Variants in MYZAP observed in about 807,000 individuals in gnomAD.
MYZAP encodes GRINL1A complex locus upstream.
Under a neutral mutation model 69.4 loss-of-function variants are expected in MYZAP, and 66 were observed. The observed-to-expected ratio is 0.95, with a 90% CI of 0.78 to 1.17. The LOEUF (loss-of-function observed/expected upper bound fraction) is 1.17, where lower values mean the gene tolerates loss of function less well. Among genes scored for constraint, MYZAP ranks in the 50% most tolerant of loss-of-function variants. The pLI is 0.00. For missense variants in MYZAP, 611 were observed against 556.2 expected, an observed-to-expected ratio of 1.10 and a Z score of -0.99; for synonymous variants, 256 against 205.9, an observed-to-expected ratio of 1.24 and a Z score of -2.09.
intron 4 of MYZAP, among the ~76,000 whole-genome samples, chr15:57,621,923 A>G (rs2035844141): frequency 6.6e-6 from 1 of 152,214 alleles, no homozygotes; most frequent in Non-Finnish European, 1.5e-5. Context: ...ATTCTCACCA[A>G]AGTCAGGAGC....
At chr15:57,615,440 C>T (rs554089064) in intron 2 of MYZAP, among the ~76,000 whole-genome samples, 10 of 152,318 alleles carry the variant, frequency 6.6e-5, no homozygotes, top group Admixed American at 3.3e-4. Context: ...TTTCCCTGCT[C>T]CGTGGCGGCT....
chr15:57,602,019 C>G (rs1438913401), intron 1 of MYZAP, among the ~76,000 whole-genome samples: 1 of 152,056 alleles, frequency 6.6e-6, no homozygotes, highest in Non-Finnish European at 1.5e-5. Flanking sequence ...AGGTTGGTGC[C>G]ACCTGTCAGG....
At chr15:57,614,448 A>C (rs1454020602) in intron 2 of MYZAP, among the ~76,000 whole-genome samples, 1 of 152,150 alleles carries the variant, frequency 6.6e-6, no homozygotes, top group Admixed American at 6.5e-5. Context: ...AACCGAGAAG[A>C]CCTCAGGGGT....
chr15:57,620,640 C>A (rs1403395504), intron 3 of MYZAP, among the ~76,000 whole-genome samples: 4 of 152,206 alleles, frequency 2.6e-5, no homozygotes, highest in African/African-American at 9.7e-5. Context: ...ATATTTACTG[C>A]CTTGCGTGTT....
chr15:57,600,938 C>T (rs2034370889), intron 1 of MYZAP, among the ~76,000 whole-genome samples: 2 of 152,012 alleles, frequency 1.3e-5, no homozygotes, highest in South Asian at 4.2e-4. Context: ...ATTAGCCAGG[C>T]ATGGTGATGC....
At chr15:57,661,359 T>C (rs1327796702) in intron 10 of MYZAP, 91 bp from the exon 11 acceptor site, 16 of 964,992 alleles carry the variant, frequency 1.7e-5, no homozygotes, top group Non-Finnish European at 1.7e-5. Flanking sequence ...TAAAAATAAA[T>C]GAAAACCAAG....
At chr15:57,633,085 C>T (rs561330217) in intron 7 of MYZAP, among the ~76,000 whole-genome samples, 76 of 152,194 alleles carry the variant, frequency 5.0e-4, no homozygotes, top group Non-Finnish European at 9.3e-4. Flanking sequence ...CTGTGCGTCT[C>T]ACATCTTGGC....
At chr15:57,640,918 C>T (rs927516077) in intron 10 of MYZAP, among the ~76,000 whole-genome samples, 26 of 152,200 alleles carry the variant, frequency 1.7e-4, no homozygotes, top group Non-Finnish European at 2.8e-4. Context: ...CCTGCCCTAT[C>T]GTCAACACTA....
At chr15:57,660,971 C>T (rs1047421268) in intron 10 of MYZAP, among the ~76,000 whole-genome samples, 3 of 152,168 alleles carry the variant, frequency 2.0e-5, no homozygotes, top group Non-Finnish European at 4.4e-5. Flanking sequence ...ACTTTTGACA[C>T]TTGGTTGAAC....
chr15:57,640,291 A>G (rs554058235), intron 10 of MYZAP, among the ~76,000 whole-genome samples: 1 of 152,332 alleles, frequency 6.6e-6, no homozygotes, highest in South Asian at 2.1e-4. Context: ...TGTAAAGCTA[A>G]TCACATATTA....
intron 1 of MYZAP, chr15:57,599,352 ATTT>A (rs58670224): frequency 1.6e-3 from 808 of 498,496 alleles, no homozygotes; most frequent in South Asian, 2.4e-3. Flanking sequence ...GGAGGCCAGC[ATTT>A]TTTTTTTTTT....
At position 57,618,140 on chromosome 15, in the gene MYZAP, T is replaced by TG; in HGVS notation, c.273dup (p.Trp92ValfsTer32). 2.5e-6 allele frequency: 4 copies of TG among 1,614,192 alleles called. No homozygotes were observed. The highest frequency in any genetic ancestry group is 3.4e-6 in the Non-Finnish European group (4 of 1,180,030). ...ATCAGCAGAAAGAAATGGTGGTGTA[T>TG]GGGTGGTCCACCAGTCAGCTGAAAG... On this transcript the variant is annotated frameshift_variant, in exon 3 of 13. Transcript: ENST00000267853. LOFTEE classifies it high-confidence loss of function.
In MYZAP at chr15:57,684,599, T is replaced by C; in HGVS notation, c.*101T>C. On this transcript the variant is annotated 3_prime_UTR_variant, in exon 13 of 13. Transcript: ENST00000267853. ...TGACTGTTGTTTCCCCTACACACAG[T>C]GTAAGCCGGAATGGGAATCGCTGAG... The C allele has an allele frequency of 1.3e-6, 1 of 741,782 alleles. No homozygotes were observed. The highest frequency in any genetic ancestry group is 2.3e-6 in the Non-Finnish European group (1 of 439,328). The allele number at this position is 741,782 out of a possible 1,614,324, so 46.0% of individuals were successfully genotyped here. A position where few individuals can be genotyped will look rare whatever the true frequency, so the allele number is the denominator to read the frequency against.
intron 12 of MYZAP, among the ~76,000 whole-genome samples, chr15:57,681,655 C>T (rs186069687): frequency 1.3e-4 from 20 of 152,086 alleles, no homozygotes; most frequent in Non-Finnish European, 2.4e-4. Flanking sequence ...GGTCATGGCA[C>T]GCGCCTGTAA....
Position 57,661,459 on chromosome 15 carries a change from T to C in MYZAP, c.1129T>C (p.Leu377=). 6.2e-7 allele frequency: 1 copy of C among 1,607,476 alleles called. No homozygotes were observed. Among genetic ancestry groups the C allele is most frequent in the South Asian group, 1.1e-5 (1 of 89,700 alleles). ...ATCCCTTTCTTTCTAGATTGAATCA[T>C]TAAAGAAAAAGTTGCAACAGAAACA... ...VKQMVEEIES[L]KKKLQQKQLL... Residue 377 remains leucine (L), a synonymous_variant, in exon 11 of 13, where the codon TTA becomes CTA. Transcript: ENST00000267853.
chr15:57,646,827 C>T (rs1483636513), intron 10 of MYZAP: 23 of 985,264 alleles, frequency 2.3e-5, no homozygotes, highest in African/African-American at 1.6e-4. Flanking sequence ...ACCAACTTCA[C>T]GAAAAGGAGT....
intron 10 of MYZAP, among the ~76,000 whole-genome samples, chr15:57,657,654 C>G (rs888706365): frequency 6.6e-6 from 1 of 152,074 alleles, no homozygotes; most frequent in Non-Finnish European, 1.5e-5. Context: ...CATTAATAGT[C>G]CATATTAATG....
intron 12 of MYZAP, among the ~76,000 whole-genome samples, chr15:57,679,157 C>A (rs2039296312): frequency 6.6e-6 from 1 of 151,942 alleles, no homozygotes; most frequent in African/African-American, 2.4e-5. Context: ...TCCTGGGCAA[C>A]AAGAGTGAAA....
chr15:57,617,975 A>G (rs1018184604), intron 2 of MYZAP, 58 bp from the exon 3 acceptor site: 32 of 1,562,920 alleles, frequency 2.0e-5, no homozygotes, highest in Non-Finnish European at 2.6e-5. Context: ...CGTTATTACA[A>G]CTGTGCATGA....
Sources: allele counts gnomAD v4.1 joint callset (sites outside exome capture counted in the v4.1 genomes callset), GRCh38; gene constraint gnomAD v4.1.1; transcripts MANE v1.5; gene names NCBI Gene and HGNC (gene_info 2026-07-23, HGNC 2026-07-21).